ARID5B: variants seen among roughly 807,000 people sequenced by gnomAD.
ARID5B encodes AT-rich interaction domain 5B, also known as AT-rich interactive domain-containing protein 5B.
A neutral mutation model predicts 97.2 loss-of-function variants in ARID5B; 13 were observed. The ratio of observed to expected loss-of-function variants is 0.13; its 90% CI spans 0.09 to 0.21. ARID5B has a LOEUF of 0.21. ARID5B is among the 10% of genes least tolerant of loss of function. The pLI is 1.00. For missense variants in ARID5B, 1,210 were observed against 1,465.3 expected, an observed-to-expected ratio of 0.83 and a Z score of 2.84; for synonymous variants, 556 against 570.3, an observed-to-expected ratio of 0.97 and a Z score of 0.36.
intron 8 of ARID5B, among the ~76,000 whole-genome samples, chr10:62,078,631 G>A (rs1237325024): frequency 1.3e-5 from 2 of 152,182 alleles, no homozygotes; most frequent in East Asian, 3.8e-4. Flanking sequence ...CATGGTCTGT[G>A]TTCACTGTAA....
At chr10:61,972,507 C>A (rs1589240947) in intron 3 of ARID5B, among the ~76,000 whole-genome samples, 1 of 152,012 alleles carries the variant, frequency 6.6e-6, no homozygotes, top group South Asian at 2.1e-4. Context: ...GGGATTACAG[C>A]CATGAGCCAC....
rs548431467 is a variant in ARID5B, at chr10:61,964,918, A to C, written c.502+24510A>C. ...TTTACCATCACATGTGAAGCCAGTT[A>C]GAATGAAGTTCTTGGGAAGAAAAAT... On this transcript the variant is annotated intron_variant, in intron 3 of 9. Coordinates refer to ENST00000279873, the MANE Select transcript of ARID5B (RefSeq NM_032199.3). Among the ~76,000 whole-genome samples the C allele has an allele frequency of 8.5e-5, 13 of 152,372 alleles. No individual in the cohort carries two copies. The South Asian group carries it at 2.1e-3, about 24-fold the overall frequency.
At chr10:61,995,722 T>C (rs1235643484) in intron 3 of ARID5B, among the ~76,000 whole-genome samples, 2 of 152,204 alleles carry the variant, frequency 1.3e-5, no homozygotes, top group Non-Finnish European at 2.9e-5. Context: ...CAGTGAAACT[T>C]CAACCTAGCT....
intron 3 of ARID5B, among the ~76,000 whole-genome samples, chr10:61,993,642 A>G (rs151146136): frequency 0.02 from 3,032 of 152,312 alleles, 30 homozygotes; most frequent in Non-Finnish European, 0.026. Context: ...CAGTAATAAT[A>G]AAAAATGCAT....
At chr10:61,910,862 C>T (rs1564598589) in intron 2 of ARID5B, among the ~76,000 whole-genome samples, 1 of 152,226 alleles carries the variant, frequency 6.6e-6, no homozygotes, top group Non-Finnish European at 1.5e-5. Flanking sequence ...TCTGTAGGAT[C>T]TTTGTGGCTG....
chr10:62,006,623 A>G (rs1167151889), intron 4 of ARID5B, among the ~76,000 whole-genome samples: 1 of 152,192 alleles, frequency 6.6e-6, no homozygotes, highest in African/African-American at 2.4e-5. Context: ...TCCGTGATAC[A>G]TGTAATGATT....
intron 2 of ARID5B, among the ~76,000 whole-genome samples, chr10:61,908,974 T>G (rs1843753001): frequency 6.6e-6 from 1 of 152,150 alleles, no homozygotes; most frequent in Admixed American, 6.5e-5. Context: ...GTAGCATTTC[T>G]TAATCTTTCC....
At chr10:62,049,092 G>GCGGA (rs1245960924) in intron 4 of ARID5B, 20 of 998,576 alleles carry the variant, frequency 2.0e-5, no homozygotes, top group Non-Finnish European at 2.5e-5. Flanking sequence ...GCTCCAGGCT[G>GCGGA]CGGACCGTGT....
intron 3 of ARID5B, among the ~76,000 whole-genome samples, chr10:61,948,380 ATT>A (rs71470784): frequency 0.016 from 1,397 of 86,208 alleles, 24 homozygotes; most frequent in Middle Eastern, 0.098. Context: ...ACTTTAGGTA[ATT>A]TTTTTTTTTT....
chr10:61,913,869 A>G (rs1007379692), intron 2 of ARID5B, among the ~76,000 whole-genome samples: 3 of 152,202 alleles, frequency 2.0e-5, no homozygotes, highest in Non-Finnish European at 4.4e-5. Flanking sequence ...CTCCTGCCTC[A>G]GCCTCCTGAG....
intron 3 of ARID5B, among the ~76,000 whole-genome samples, chr10:61,984,536 C>T (rs1324999071): frequency 1.3e-5 from 2 of 152,122 alleles, no homozygotes; most frequent in Admixed American, 6.5e-5. Context: ...GCCAGTGGAG[C>T]TTGCTCATGT....
In ARID5B at chr10:61,918,144, T is replaced by C. The variant is rs546166202; in HGVS notation, c.276+15731T>C. Among the ~76,000 whole-genome samples, 30 of 152,354 alleles carry C rather than the reference T, an allele frequency of 2.0e-4. 1 individual carries two copies. The South Asian group carries it at 5.6e-3, about 28-fold the overall frequency. On this transcript the variant is annotated intron_variant, in intron 2 of 9. Coordinates refer to ENST00000279873, the MANE Select transcript of ARID5B (RefSeq NM_032199.3). ...CCAGACTGCAGGGGAGCCTAGCATG[T>C]CATGTGGACTTGAATCTGAAGGCGG...
intron 4 of ARID5B, among the ~76,000 whole-genome samples, chr10:62,039,058 C>A (rs1293639955): frequency 6.6e-6 from 1 of 152,126 alleles, no homozygotes; most frequent in Non-Finnish European, 1.5e-5. Context: ...AATAAGGATC[C>A]CTTTTGTGCA....
intron 4 of ARID5B, among the ~76,000 whole-genome samples, chr10:62,048,170 T>A (rs1407880223): frequency 6.6e-6 from 1 of 152,190 alleles, no homozygotes; most frequent in Non-Finnish European, 1.5e-5. Flanking sequence ...GCGGGACCAG[T>A]CTATGAGGAC....
intron 3 of ARID5B, among the ~76,000 whole-genome samples, chr10:61,950,289 AGCCACCATGCCTG>A (rs1037200918): frequency 6.6e-6 from 1 of 152,182 alleles, no homozygotes; most frequent in African/African-American, 2.4e-5. Flanking sequence ...TATAGGCGTG[AGCCACCATGCCTG>A]GCCCGGACCA....
chr10:62,092,051 G>A lies in ARID5B; in HGVS notation c.2588G>A (p.Arg863Lys). The change falls in exon 10 of 10, where the codon AGG becomes AAG. Residue 863 changes from arginine (R) to lysine (K), a missense_variant. Around this residue, in one of 8 missense-constraint regions of ARID5B, gnomAD observed 800 missense variants for 839.1 expected, o/e 0.95. Coordinates refer to ENST00000279873, the MANE Select transcript of ARID5B (RefSeq NM_032199.3). Reference protein sequence around the residue: ...TSKYPSRDMYRESENSSFPSH... With the variant: ...TSKYPSRDMYKESENSSFPSH... ...AAATACCCTTCCAGGGACATGTACA[G>A]GGAATCGGAAAACAGTTCTTTTCCT... 6.2e-7 allele frequency: 1 copy of A among 1,614,078 alleles called. No homozygotes were observed. Among genetic ancestry groups the A allele is most frequent in the Non-Finnish European group, 8.5e-7 (1 of 1,179,996 alleles).
rs757046793 is a variant in ARID5B, at chr10:62,057,162, C to T, written c.892C>T (p.His298Tyr). Residue 298 changes from histidine (H) to tyrosine (Y), a missense_variant, in exon 6 of 10, where the codon CAT becomes TAT. This residue lies in a region of ARID5B where 132 missense variants were observed against 156.7 expected (regional missense o/e 0.84). Transcript: ENST00000279873. The part of the protein sequence containing the change: ...RSALTKPKNN[H>Y]NCKKVSNEEK... ...AGCCTTGACCAAGCCGAAGAATAAC[C>T]ATAACTGTAAAAAAGTCTCAAATGA... The T allele has an allele frequency of 1.9e-6, 3 of 1,607,236 alleles. No homozygotes were observed. Among genetic ancestry groups the T allele is most frequent in the Non-Finnish European group, 2.6e-6 (3 of 1,175,768 alleles).
At chr10:61,971,934 ATGAGCAAGTATT>A (rs1257102642) in intron 3 of ARID5B, among the ~76,000 whole-genome samples, 2 of 152,224 alleles carry the variant, frequency 1.3e-5, no homozygotes, top group Non-Finnish European at 2.9e-5. Context: ...TCAAAAAGGC[ATGAGCAAGTATT>A]TGAGCCATCC....
intron 3 of ARID5B, among the ~76,000 whole-genome samples, chr10:61,975,395 A>G (rs1459766056): frequency 1.3e-5 from 2 of 152,232 alleles, no homozygotes; most frequent in African/African-American, 2.4e-5. Context: ...CAGCATAAAT[A>G]GAAAGTGGGA....
Sources: gnomAD v4.1 joint callset for allele counts (sites outside exome capture counted in the v4.1 genomes callset) on GRCh38, gnomAD v4.1.1 for gene constraint, gnomAD v4.1.1 regional missense constraint, MANE v1.5 for transcripts, NCBI Gene and HGNC (gene_info 2026-07-23, HGNC 2026-07-21) for gene names.